Variants in SMAD2 observed in about 807,000 individuals in gnomAD.
The protein encoded by SMAD2 is MAD homolog 2.
A neutral mutation model predicts 64.4 loss-of-function variants in SMAD2; 8 were observed. That is an observed-to-expected ratio of 0.12 (90% CI 0.07 to 0.22). SMAD2 has a LOEUF of 0.22. SMAD2 is among the 10% of genes least tolerant of loss of function. The pLI, the probability that SMAD2 is intolerant of heterozygous loss-of-function variation, is 1.00. For synonymous variants in SMAD2, 203 were observed against 195.8 expected, an observed-to-expected ratio of 1.04 and a Z score of -0.31; for missense variants, 289 against 561.2, an observed-to-expected ratio of 0.51 and a Z score of 4.90.
chr18:47,928,411 G>A (rs2034854285), intron 1 of SMAD2, among the ~76,000 whole-genome samples: 1 of 152,150 alleles, frequency 6.6e-6, no homozygotes, highest in Admixed American at 6.5e-5. Flanking sequence ...AAAGATTATA[G>A]CAACATGATT....
intron 1 of SMAD2, among the ~76,000 whole-genome samples, chr18:47,928,960 G>T (rs1221726465): frequency 6.6e-6 from 1 of 152,198 alleles, no homozygotes; most frequent in Non-Finnish European, 1.5e-5. Flanking sequence ...TACTACGACA[G>T]CTAAGTTTAC....
At chr18:47,867,518 A>G (rs747950990) in intron 5 of SMAD2, among the ~76,000 whole-genome samples, 3 of 151,920 alleles carry the variant, frequency 2.0e-5, no homozygotes, top group Admixed American at 6.6e-5. Context: ...GAATAAAAGA[A>G]TATTACAAAA....
At chr18:47,863,149 C>T (rs1479799879) in intron 6 of SMAD2, among the ~76,000 whole-genome samples, 1 of 152,100 alleles carries the variant, frequency 6.6e-6, no homozygotes, top group Non-Finnish European at 1.5e-5. Flanking sequence ...AAGGTATGAA[C>T]CAGAGTTAGA....
intron 6 of SMAD2, among the ~76,000 whole-genome samples, chr18:47,864,262 G>T (rs2031397935): frequency 6.6e-6 from 1 of 151,820 alleles, no homozygotes; most frequent in African/African-American, 2.4e-5. Flanking sequence ...TCTTTACCTG[G>T]GAGTCCAAAA....
chr18:47,881,787 GATGATGAATTTTGTCAA>G (rs2032605704), intron 2 of SMAD2, among the ~76,000 whole-genome samples: 1 of 152,166 alleles, frequency 6.6e-6, no homozygotes, highest in African/African-American at 2.4e-5. Context: ...ATCATGAATG[GATGATGAATTTTGTCAA>G]ATGCTTTTGA....
At chr18:47,911,786 C>T (rs2034145997) in intron 1 of SMAD2, among the ~76,000 whole-genome samples, 1 of 152,180 alleles carries the variant, frequency 6.6e-6, no homozygotes, top group Admixed American at 6.5e-5. Context: ...TATAATACGA[C>T]ACATAAATAA....
chr18:47,854,523 G>C (rs1214841484), intron 6 of SMAD2, among the ~76,000 whole-genome samples: 1 of 152,094 alleles, frequency 6.6e-6, no homozygotes, highest in African/African-American at 2.4e-5. Context: ...GTTGTAAACA[G>C]TGTATTTCTG....
chr18:47,885,941 G>A (rs1416658644), intron 2 of SMAD2, among the ~76,000 whole-genome samples: 1 of 152,186 alleles, frequency 6.6e-6, no homozygotes, highest in African/African-American at 2.4e-5. Context: ...CAGCCTGGAC[G>A]ACAGAGCCAG....
At chr18:47,849,733 C>G (rs941675051) in intron 7 of SMAD2, among the ~76,000 whole-genome samples, 10 of 151,988 alleles carry the variant, frequency 6.6e-5, no homozygotes, top group African/African-American at 2.4e-4. Context: ...TTGGGCCCAG[C>G]ACGATGGCTC....
intron 2 of SMAD2, 137 bp downstream of exon 2, chr18:47,896,384 C>A: frequency 2.3e-6 from 2 of 878,814 alleles, no homozygotes; most frequent in Non-Finnish European, 3.6e-6. Flanking sequence ...CTAGCAAAAA[C>A]AATTTATACA....
intron 1 of SMAD2, among the ~76,000 whole-genome samples, chr18:47,903,889 G>GT (rs1555660347): frequency 3.1e-5 from 3 of 95,782 alleles, no homozygotes; most frequent in Admixed American, 1.2e-4. Flanking sequence ...GGGGGGGGGG[G>GT]ACTCAGAATA....
chr18:47,824,186 G>A lies in SMAD2; in HGVS notation c.*17641C>T, dbSNP rs995668884. 3 of 152,236 alleles carry A rather than the reference G, an allele frequency of 2.0e-5. No individual in the cohort carries two copies. Among genetic ancestry groups the A allele is most frequent in the Non-Finnish European group, 4.4e-5 (3 of 68,062 alleles). The allele number at this position is 152,236 out of a possible 1,614,324, so 9.4% of individuals were successfully genotyped here. A position where few individuals can be genotyped will look rare whatever the true frequency, so the allele number is the denominator to read the frequency against. ...TTTCGGAAAAACATCTTCATCAAGA[G>A]AGGGAAAGGTGAAAGCTGTCAGAAT... On this transcript the variant is annotated 3_prime_UTR_variant, in exon 11 of 11. Coordinates refer to ENST00000262160, the MANE Select transcript of SMAD2 (RefSeq NM_005901.6).
At chr18:47,916,461 G>C (rs973279270) in intron 1 of SMAD2, among the ~76,000 whole-genome samples, 1 of 152,148 alleles carries the variant, frequency 6.6e-6, no homozygotes, top group Non-Finnish European at 1.5e-5. Context: ...CTGTCGCCCA[G>C]GCTGGAGTGC....
chr18:47,886,220 T>A (rs927160747), intron 2 of SMAD2, among the ~76,000 whole-genome samples: 1 of 152,222 alleles, frequency 6.6e-6, no homozygotes, highest in Non-Finnish European at 1.5e-5. Context: ...AATCTGACAA[T>A]TTTTGACAAT....
intron 2 of SMAD2, among the ~76,000 whole-genome samples, chr18:47,877,405 ATG>A (rs2032327552): frequency 6.6e-6 from 1 of 152,136 alleles, no homozygotes; most frequent in Middle Eastern, 3.2e-3. Flanking sequence ...TCATTTTTAT[ATG>A]TGACTTAAGA....
At chr18:47,901,139 G>C (rs1038236449) in intron 1 of SMAD2, among the ~76,000 whole-genome samples, 2 of 152,122 alleles carry the variant, frequency 1.3e-5, no homozygotes, top group African/African-American at 2.4e-5. Flanking sequence ...TGGCATATTT[G>C]TCTGTTTCTT....
At chr18:47,890,753 TACAG>T (rs2033150494) in intron 2 of SMAD2, among the ~76,000 whole-genome samples, 2 of 152,182 alleles carry the variant, frequency 1.3e-5, no homozygotes, top group Admixed American at 6.5e-5. Context: ...CATATTACGA[TACAG>T]ACAGACACAC....
chr18:47,886,935 A>G (rs1180807113), intron 2 of SMAD2: 1 of 157,096 alleles, frequency 6.4e-6, no homozygotes, highest in African/African-American at 2.4e-5. Flanking sequence ...AAAAAAAAAA[A>G]AAAGAAAAGG....
rs548113483 is a variant in SMAD2, at chr18:47,902,635, T to C, written c.-53-5826A>G. On this transcript the variant is annotated intron_variant, in intron 1 of 10. Transcript: ENST00000262160. ...TATCAGACTATATACTTAAAAAGTA[T>C]TCCATAGAAGGAATTCCACTTCTGA... is the stretch of plus-strand genomic sequence containing the variant. Among the ~76,000 whole-genome samples, 153 of 152,320 alleles carry C rather than the reference T, an allele frequency of 1.0e-3. 1 individual carries two copies. The highest frequency in any genetic ancestry group is 1.7e-3 in the Non-Finnish European group (116 of 68,028).
Sources: allele counts gnomAD v4.1 joint callset (sites outside exome capture counted in the v4.1 genomes callset), GRCh38; gene constraint gnomAD v4.1.1; transcripts MANE v1.5; gene names NCBI Gene and HGNC (gene_info 2026-07-23, HGNC 2026-07-21).